The following SLC24A2 variants were observed in gnomAD, a reference collection of about 807,000 sequenced individuals.
SLC24A2 encodes the protein solute carrier family 24 member 2, also known as sodium/potassium/calcium exchanger 2.
Under a neutral mutation model 62.0 loss-of-function variants are expected in SLC24A2, and 36 were observed. The observed-to-expected ratio is 0.58, with a 90% CI of 0.44 to 0.77. The LOEUF is 0.77. Ranked by LOEUF, SLC24A2 falls within the 30% of genes least tolerant of loss-of-function variation. The probability of loss-of-function intolerance (pLI) is 0.00; values close to 1 mark genes in which losing one functional copy is unlikely to be tolerated. For synonymous variants in SLC24A2, 358 were observed against 294.0 expected, an observed-to-expected ratio of 1.22 and a Z score of -2.23; for missense variants, 846 against 817.9, an observed-to-expected ratio of 1.03 and a Z score of -0.42.
intron 8 of SLC24A2, among the ~76,000 whole-genome samples, chr9:19,530,563 T>A (rs1833655375): frequency 6.6e-6 from 1 of 152,310 alleles, no homozygotes; most frequent in Admixed American, 6.5e-5. Context: ...ATATTTCTCA[T>A]CTGAAAAATA....
At chr9:19,645,907 T>A (rs1382915679) in intron 2 of SLC24A2, among the ~76,000 whole-genome samples, 2 of 152,252 alleles carry the variant, frequency 1.3e-5, no homozygotes, top group Non-Finnish European at 2.9e-5. Context: ...CACAGGGCAC[T>A]GGACCTGGGT....
intron 2 of SLC24A2, among the ~76,000 whole-genome samples, chr9:19,747,722 CAAATGT>C (rs772100724): frequency 1.6e-4 from 24 of 152,262 alleles, no homozygotes; most frequent in South Asian, 8.3e-4. Flanking sequence ...AGATCAAATG[CAAATGT>C]GTCACCATAG....
rs80064631 is a variant in SLC24A2, at chr9:19,741,689, T to C, written c.930+44248A>G. ...TGTTAAGCATGCTCTGTTGAAGATG[T>C]GAGTTCTGCCTCCAGAATGGGTCTT... On this transcript the variant is annotated intron_variant, in intron 2 of 10. Transcript: ENST00000341998. Among the ~76,000 whole-genome samples the C allele has an allele frequency of 3.3e-5, 5 of 152,314 alleles. No individual in the cohort carries two copies. In the East Asian group the frequency reaches 9.7e-4, roughly 29 times the overall value.
At chr9:19,867,864 C>T in the SLC24A2 span, among the ~76,000 whole-genome samples, 2 of 152,116 alleles carry the variant, frequency 1.3e-5, no homozygotes, top group African/African-American at 4.8e-5. Flanking sequence ...GCCAAGATTG[C>T]CCCACTGCCC....
chr9:19,952,230 C>A, the SLC24A2 span, among the ~76,000 whole-genome samples: 1 of 152,030 alleles, frequency 6.6e-6, no homozygotes, highest in South Asian at 2.1e-4. Context: ...CTTAAGCATT[C>A]TCTTCATACA....
chr9:20,243,245 G>A, the SLC24A2 span, among the ~76,000 whole-genome samples: 1 of 152,028 alleles, frequency 6.6e-6, no homozygotes, highest in Non-Finnish European at 1.5e-5. Context: ...TTCCCTTCAT[G>A]GTTGGCATCT....
chr9:19,925,819 G>A, the SLC24A2 span, among the ~76,000 whole-genome samples: 3 of 152,158 alleles, frequency 2.0e-5, no homozygotes, highest in Non-Finnish European at 4.4e-5. Context: ...GTAACAAATA[G>A]TCTTTATTCA....
the SLC24A2 span, among the ~76,000 whole-genome samples, chr9:19,848,575 T>C: frequency 1.3e-5 from 2 of 152,168 alleles, no homozygotes; most frequent in Non-Finnish European, 2.9e-5. Flanking sequence ...CTTAGGATGG[T>C]CCTAGGCAAG....
chr9:19,754,647 T>A (rs753120732), intron 2 of SLC24A2, among the ~76,000 whole-genome samples: 27 of 77,160 alleles, frequency 3.5e-4, no homozygotes, highest in Non-Finnish European at 5.9e-4. Context: ...CATGGGAGGA[T>A]TTTTTTTTTT....
intron 7 of SLC24A2, among the ~76,000 whole-genome samples, chr9:19,562,255 T>C (rs573496182): frequency 7.2e-4 from 109 of 152,284 alleles, no homozygotes; most frequent in Non-Finnish European, 1.3e-4. Flanking sequence ...AATTCAAAAA[T>C]CATTTCATCT....
chr9:19,898,127 C>G, the SLC24A2 span, among the ~76,000 whole-genome samples: 6 of 152,166 alleles, frequency 3.9e-5, no homozygotes, highest in Non-Finnish European at 8.8e-5. Flanking sequence ...AGCACTAGTG[C>G]CTGGAGTGAA....
chr9:20,133,014 T>C, the SLC24A2 span, among the ~76,000 whole-genome samples: 1 of 152,120 alleles, frequency 6.6e-6, no homozygotes, highest in Non-Finnish European at 1.5e-5. Flanking sequence ...CAAATTTCAA[T>C]CTCAATGCAG....
the SLC24A2 span, among the ~76,000 whole-genome samples, chr9:20,097,119 T>C: frequency 0.13 from 19,278 of 152,156 alleles, 1,370 homozygotes; most frequent in African/African-American, 0.19. Context: ...CCACCCTACA[T>C]CCTATACTTG....
At chr9:20,025,221 G>C in the SLC24A2 span, among the ~76,000 whole-genome samples, 1 of 152,110 alleles carries the variant, frequency 6.6e-6, no homozygotes, top group Non-Finnish European at 1.5e-5. Context: ...GTGTCCTGCT[G>C]TTTGAAAACA....
At chr9:19,900,920 CA>C in the SLC24A2 span, among the ~76,000 whole-genome samples, 1 of 152,184 alleles carries the variant, frequency 6.6e-6, no homozygotes, top group Non-Finnish European at 1.5e-5. Context: ...CCATATATCA[CA>C]GGTAGACAAC....
chr9:20,194,761 C>G, the SLC24A2 span, among the ~76,000 whole-genome samples: 1 of 151,974 alleles, frequency 6.6e-6, no homozygotes, highest in African/African-American at 2.4e-5. Context: ...CTCCACATTT[C>G]TATTTGATTA....
the SLC24A2 span, among the ~76,000 whole-genome samples, chr9:20,274,889 C>A: frequency 6.6e-6 from 1 of 152,062 alleles, no homozygotes; most frequent in Non-Finnish European, 1.5e-5. Flanking sequence ...ACATCAGTCA[C>A]TGTGCCTCTC....
intron 2 of SLC24A2, among the ~76,000 whole-genome samples, chr9:19,741,248 C>G (rs1170894341): frequency 6.6e-6 from 1 of 152,140 alleles, no homozygotes; most frequent in Non-Finnish European, 1.5e-5. Flanking sequence ...GCAAACCACG[C>G]TCCTGATTTG....
At chr9:19,838,273 C>G in the SLC24A2 span, among the ~76,000 whole-genome samples, 1 of 152,058 alleles carries the variant, frequency 6.6e-6, no homozygotes, top group Non-Finnish European at 1.5e-5. Context: ...CACATATCTA[C>G]AACTATCTGA....
Sources: allele counts gnomAD v4.1 joint callset (sites outside exome capture counted in the v4.1 genomes callset), GRCh38; gene constraint gnomAD v4.1.1; transcripts MANE v1.5; gene names NCBI Gene and HGNC (gene_info 2026-07-23, HGNC 2026-07-21).